The following FADS1 variants were observed in gnomAD, a reference collection of about 807,000 sequenced individuals.
The protein encoded by FADS1 is acyl-CoA (8-3)-desaturase.
FADS1 carries 17 observed loss-of-function variants against 61.6 expected under a neutral mutation model. The ratio of observed to expected loss-of-function variants is 0.28; its 90% CI spans 0.19 to 0.41. FADS1 has a LOEUF of 0.41. Among genes scored for constraint, FADS1 ranks in the 10% least tolerant of loss-of-function variants. FADS1 has a pLI of 1.00. For missense variants in FADS1, 387 were observed against 650.9 expected (o/e 0.59, Z 4.41); for synonymous variants, 238 against 258.7 (o/e 0.92, Z 0.77).
chr11:61,816,548 C>A lies in FADS1; in HGVS notation c.375+7G>T. 1 of 1,601,112 alleles carries A rather than the reference C, an allele frequency of 6.2e-7. No individual in the cohort carries two copies. The highest frequency in any genetic ancestry group is 2.3e-5 in the East Asian group (1 of 44,268). On this transcript the variant is annotated splice_region_variant and intron_variant, in intron 1 of 11. Coordinates refer to ENST00000350997, the MANE Select transcript of FADS1 (RefSeq NM_013402.7). The surrounding 1 kb of genome is among the most constrained non-coding windows in gnomAD (Gnocchi z 7.0). ...CCTCTCCTGTGCCCCCGCCTGGCTG[C>A]GCTCACCGTGGCATCCTGCCCGGCG... is the stretch of plus-strand genomic sequence containing the variant.
intron 5 of FADS1, 115 bp downstream of exon 5, chr11:61,810,636 C>T: frequency 7.3e-7 from 1 of 1,372,192 alleles, no homozygotes; most frequent in South Asian, 1.4e-5. Context: ...AAAGCCCCAG[C>T]CAGCCCAGCC....
intron 5 of FADS1, among the ~76,000 whole-genome samples, chr11:61,810,087 G>C (rs944054338): frequency 1.3e-5 from 2 of 152,234 alleles, no homozygotes; most frequent in African/African-American, 4.8e-5. Flanking sequence ...AAAGAATTCT[G>C]CTGGCCTTTT....
chr11:61,802,349 C>T lies in FADS1; in HGVS notation c.*62G>A. 1 of 1,420,412 alleles carries T rather than the reference C, an allele frequency of 7.0e-7. No homozygotes were observed. The highest frequency in any genetic ancestry group is 9.7e-7 in the Non-Finnish European group (1 of 1,027,118). The allele number at this position is 1,420,412 out of a possible 1,614,324, so 88.0% of individuals were successfully genotyped here. On this transcript the variant is annotated 3_prime_UTR_variant, in exon 12 of 12. Coordinates refer to ENST00000350997, the MANE Select transcript of FADS1 (RefSeq NM_013402.7). The surrounding 1 kb of genome is among the most constrained non-coding windows in gnomAD (Gnocchi z 4.2). The stretch of plus-strand genomic sequence containing the variant: ...CTATAGTGGCATTGTCCCTCAAGCT[C>T]CCCTCTGCCTTGGCTCCAGAGTCTT...
intron 5 of FADS1, among the ~76,000 whole-genome samples, chr11:61,809,377 C>G (rs568741339): frequency 3.3e-5 from 5 of 152,266 alleles, no homozygotes; most frequent in Admixed American, 1.3e-4. Flanking sequence ...CAGGGTTGCG[C>G]TGTTACCCAG....
Position 61,816,196 on chromosome 11 carries a change from G to A in FADS1, c.375+359C>T, listed in dbSNP as rs2066980725. On this transcript the variant is annotated intron_variant, in intron 1 of 11. Transcript: ENST00000350997. This position sits in a 1 kb window ranked among gnomAD's most constrained non-coding sequence, Gnocchi z 7.0. Reference sequence around the variant, plus strand: ...CCACTGACCCCCTCCCTCCCCAGGCGGCCTGCATCCTTGCTCTCCTCCCTC... The same window carrying A: ...CCACTGACCCCCTCCCTCCCCAGGCAGCCTGCATCCTTGCTCTCCTCCCTC... 4 of 1,488,922 alleles carry A rather than the reference G, an allele frequency of 2.7e-6. No individual in the cohort carries two copies. The highest frequency in any genetic ancestry group is 3.6e-6 in the Non-Finnish European group (4 of 1,101,450). 92.2% of individuals were successfully genotyped at this position (1,488,922 alleles called of 1,614,324 possible). A position where few individuals can be genotyped will look rare whatever the true frequency, so the allele number is the denominator to read the frequency against.
chr11:61,805,005 G>A (rs1024267017), intron 6 of FADS1: 27 of 568,476 alleles, frequency 4.7e-5, no homozygotes, highest in Non-Finnish European at 7.8e-5. Flanking sequence ...TGAGGGGTGC[G>A]AGTGGCACTC....
chr11:61,808,057 C>T (rs1017504004), intron 5 of FADS1, among the ~76,000 whole-genome samples: 4 of 152,258 alleles, frequency 2.6e-5, no homozygotes, highest in African/African-American at 7.2e-5. Context: ...AAACAGAGAC[C>T]GGGTGCAGTG....
rs2066859965 is a variant in FADS1, at chr11:61,802,188, C to T, written c.*223G>A. 1.7e-6 allele frequency: 1 copy of T among 572,448 alleles called. No individual in the cohort carries two copies. The highest frequency in any genetic ancestry group is 1.9e-5 in the African/African-American group (1 of 53,280). 35.5% of individuals were successfully genotyped at this position (572,448 alleles called of 1,614,324 possible). On this transcript the variant is annotated 3_prime_UTR_variant, in exon 12 of 12. Transcript: ENST00000350997. The surrounding 1 kb of genome is among the most constrained non-coding windows in gnomAD (Gnocchi z 4.2). ...AAGGAAATAATTTACACCCCTGCCC[C>T]AACAGCTCCTTCCCTCCTAGGGACT...
Position 61,802,389 on chromosome 11 carries a change from A to C in FADS1, c.*22T>G, listed in dbSNP as rs1466157114. On this transcript the variant is annotated 3_prime_UTR_variant, in exon 12 of 12. Transcript: ENST00000350997. This position sits in a 1 kb window ranked among gnomAD's most constrained non-coding sequence, Gnocchi z 4.2. ...TCCAGAGTCTTCCTCCTCTTCTTCC[A>C]GACTGGGCAGGGTGGCTGTTGTTAT... 3.8e-6 allele frequency: 6 copies of C among 1,561,104 alleles called. 1 individual carries two copies. The South Asian group carries it at 5.9e-5, about 15-fold the overall frequency.
At chr11:61,805,526 G>C (rs2066886922) in intron 6 of FADS1, 1 of 152,172 alleles carries the variant, frequency 6.6e-6, no homozygotes, top group African/African-American at 2.4e-5. Flanking sequence ...CCTCCATCTT[G>C]ATGTGCCATG....
In FADS1 at chr11:61,812,656, C is replaced by G; in HGVS notation, c.499G>C (p.Asp167His). 1 of 1,614,010 alleles carries G rather than the reference C, an allele frequency of 6.2e-7. No individual in the cohort carries two copies. The change falls in exon 3 of 12, where the codon GAT (aspartate) becomes CAT (histidine). Residue 167 changes from aspartate (D) to histidine (H), a missense_variant. This residue lies in a region of FADS1 where 257 missense variants were observed against 533.3 expected (regional missense o/e 0.48). Coordinates refer to ENST00000350997, the MANE Select transcript of FADS1 (RefSeq NM_013402.7). Reference sequence around the variant, plus strand: ...GTGGCCCGCAGCTCCCGGAACTCATCTGTCAGCTCTTTCTGCAGAAGAGGA... The same window carrying G: ...GTGGCCCGCAGCTCCCGGAACTCATGTGTCAGCTCTTTCTGCAGAAGAGGA... Reference protein sequence around the residue: ...FEPTKNKELTDEFRELRATVE... With the variant: ...FEPTKNKELTHEFRELRATVE...
Position 61,816,255 on chromosome 11 carries a change from C to CAG in FADS1, c.375+298_375+299dup. The CAG allele has an allele frequency of 6.3e-7, 1 of 1,597,782 alleles. No homozygotes were observed. Among genetic ancestry groups the CAG allele is most frequent in the Non-Finnish European group, 8.5e-7 (1 of 1,179,384 alleles). On this transcript the variant is annotated intron_variant, in intron 1 of 11. Transcript: ENST00000350997. This position sits in a 1 kb window ranked among gnomAD's most constrained non-coding sequence, Gnocchi z 7.0. ...CCCAGCTCGGGGTTCTGTCCCCGCC[C>CAG]AGAGACCTGAGGCTCGGGGCTGCAG...
intron 6 of FADS1, chr11:61,806,066 C>T (rs988498020): frequency 1.6e-4 from 25 of 153,124 alleles, no homozygotes; most frequent in Admixed American, 5.2e-4. Context: ...AGGGGCCGGG[C>T]GCGGTGGCTC....
In FADS1 at chr11:61,816,218, C is replaced by T. The variant is rs1328943497; in HGVS notation, c.375+337G>A. The T allele has an allele frequency of 3.2e-6, 5 of 1,577,324 alleles. No homozygotes were observed. The highest frequency in any genetic ancestry group is 1.1e-5 in the South Asian group (1 of 88,712). On this transcript the variant is annotated intron_variant, in intron 1 of 11. Coordinates refer to ENST00000350997, the MANE Select transcript of FADS1 (RefSeq NM_013402.7). This position sits in a 1 kb window ranked among gnomAD's most constrained non-coding sequence, Gnocchi z 7.0. The stretch of plus-strand genomic sequence containing the variant: ...GGCGGCCTGCATCCTTGCTCTCCTC[C>T]CTCCTAGCCTACCCAGCTCGGGGTT...
At chr11:61,813,172 A>T (rs1165156044) in intron 2 of FADS1, 71 bp downstream of exon 2, 9 of 913,080 alleles carry the variant, frequency 9.9e-6, no homozygotes, top group Non-Finnish European at 1.7e-5. Flanking sequence ...TCCCATCTAG[A>T]CTCTCCTTCC....
intron 7 of FADS1, 100 bp downstream of exon 7, chr11:61,804,585 T>C: frequency 2.4e-6 from 2 of 849,052 alleles, no homozygotes; most frequent in Non-Finnish European, 3.8e-6. Flanking sequence ...TGTTCTAAAT[T>C]AGGCCTAGAG....
chr11:61,803,255 C>A lies in FADS1; in HGVS notation c.1248+108G>T. ...ATGGTTGCAGAACAAGAGCCTCAGG[C>A]TAATGAGAAAATGCTGTTTGGGGGA... On this transcript the variant is annotated intron_variant, in intron 9 of 11. Coordinates refer to ENST00000350997, the MANE Select transcript of FADS1 (RefSeq NM_013402.7). The surrounding 1 kb of genome is among the most constrained non-coding windows in gnomAD (Gnocchi z 4.3). 1 of 1,248,800 alleles carries A rather than the reference C, an allele frequency of 8.0e-7. No homozygotes were observed. Among genetic ancestry groups the A allele is most frequent in the Non-Finnish European group, 1.2e-6 (1 of 849,342 alleles). 77.4% of individuals were successfully genotyped at this position (1,248,800 alleles called of 1,614,324 possible).
chr11:61,812,816 G>A, intron 2 of FADS1, 148 bp from the exon 3 acceptor site: 1 of 684,268 alleles, frequency 1.5e-6, no homozygotes, highest in South Asian at 1.8e-5. Context: ...CAATGAGGAT[G>A]ACAGGAGGAG....
At position 61,802,672 on chromosome 11, in the gene FADS1, T is replaced by A. The variant is rs2066864422; in HGVS notation, c.1454+129A>T. 7.1e-7 allele frequency: 1 copy of A among 1,405,786 alleles called. No homozygotes were observed. Among genetic ancestry groups the A allele is most frequent in the Admixed American group, 1.8e-5 (1 of 54,988 alleles). 87.1% of individuals were successfully genotyped at this position (1,405,786 alleles called of 1,614,324 possible). A position where few individuals can be genotyped will look rare whatever the true frequency, so the allele number is the denominator to read the frequency against. On this transcript the variant is annotated intron_variant, in intron 11 of 11. Transcript: ENST00000350997. The surrounding 1 kb of genome is among the most constrained non-coding windows in gnomAD (Gnocchi z 4.2). ...CAGGTCCAATAAAGAATCCTGCCTT[T>A]GCCATGGTGAACTCCATCCCACACG...
Sources: gnomAD v4.1 joint callset for allele counts (sites outside exome capture counted in the v4.1 genomes callset) on GRCh38, gnomAD v4.1.1 for gene constraint, gnomAD v4.1.1 regional missense constraint, Gnocchi (gnomAD v3.1) non-coding constraint, MANE v1.5 for transcripts, NCBI Gene and HGNC (gene_info 2026-07-23, HGNC 2026-07-21) for gene names.